HSPA12A: variants seen among roughly 807,000 people sequenced by gnomAD.
The protein encoded by HSPA12A is heat shock 70 kDa protein 12A.
HSPA12A carries 28 observed loss-of-function variants against 69.2 expected under a neutral mutation model. The ratio of observed to expected loss-of-function variants is 0.40; its 90% CI spans 0.30 to 0.55. HSPA12A has a LOEUF of 0.55. Among genes scored for constraint, HSPA12A ranks in the 20% least tolerant of loss-of-function variants. HSPA12A has a pLI of 0.38. For missense variants in HSPA12A, 686 were observed against 900.7 expected, an observed-to-expected ratio of 0.76 and a Z score of 3.05; for synonymous variants, 345 against 370.5, an observed-to-expected ratio of 0.93 and a Z score of 0.79.
intron 2 of HSPA12A, among the ~76,000 whole-genome samples, chr10:116,762,998 C>A (rs1421921319): frequency 6.6e-6 from 1 of 152,200 alleles, no homozygotes; most frequent in African/African-American, 2.4e-5. Flanking sequence ...GCAGTTCTCT[C>A]TTTACACTCA....
intron 6 of HSPA12A, 105 bp from the exon 7 acceptor site, chr10:116,684,067 C>G: frequency 1.1e-6 from 1 of 946,166 alleles, no homozygotes. Context: ...CACTCGTGCT[C>G]TGCATCTGTG....
At chr10:116,777,546 ACTTCC>A (rs1844366439) in intron 2 of HSPA12A, among the ~76,000 whole-genome samples, 4 of 152,100 alleles carry the variant, frequency 2.6e-5, no homozygotes, top group African/African-American at 9.7e-5. Context: ...ACATGTGTGG[ACTTCC>A]CAGGTGTACA....
intron 2 of HSPA12A, among the ~76,000 whole-genome samples, chr10:116,788,941 C>T (rs1589707146): frequency 6.6e-6 from 1 of 150,758 alleles, no homozygotes; most frequent in Admixed American, 6.6e-5. Flanking sequence ...TCTCAGCTCA[C>T]TGCAACCTCT....
rs541825438 is a variant in HSPA12A, at chr10:116,718,569, C to T, written c.41-11284G>A. Reference sequence around the variant, plus strand: ...GAAGAGACATCCCAAAACAGTTGTACGGCTTGTGCACTGCACAAAGGCACC... The same window carrying T: ...GAAGAGACATCCCAAAACAGTTGTATGGCTTGTGCACTGCACAAAGGCACC... On this transcript the variant is annotated intron_variant, in intron 1 of 11. Coordinates refer to ENST00000369209, the MANE Select transcript of HSPA12A (RefSeq NM_025015.3). 5.9e-5 allele frequency among the ~76,000 whole-genome samples: 9 copies of T among 152,154 alleles called. No individual in the cohort carries two copies. The South Asian group carries it at 1.2e-3, about 21-fold the overall frequency.
chr10:116,737,370 G>A (rs782375408), intron 1 of HSPA12A, among the ~76,000 whole-genome samples: 13 of 152,026 alleles, frequency 8.6e-5, no homozygotes, highest in South Asian at 2.1e-4. Flanking sequence ...ATTATTAATC[G>A]TCCTTGTCTA....
upstream of HSPA12A, chr10:116,850,091 C>G (rs1246768130): frequency 2.5e-6 from 1 of 405,408 alleles, no homozygotes; most frequent in Non-Finnish European, 4.6e-6. Flanking sequence ...TAACACATAC[C>G]TTAATGCCCT....
At position 116,809,631 on chromosome 10, in the gene HSPA12A, C is replaced by A. The variant is rs140952861; in HGVS notation, c.91+25304G>T. 5.4e-3 allele frequency among the ~76,000 whole-genome samples: 830 copies of A among 152,318 alleles called. 17 individuals are homozygous for A. Among genetic ancestry groups the A allele is most frequent in the Admixed American group, 0.045 (688 of 15,292 alleles). On this transcript the variant is annotated intron_variant, in intron 2 of 12. Transcript: ENST00000635765. ...CAACACATTTCAGCGACGCCGGGGA[C>A]TGTCTGCGGGGGAAACCCACTCACT...
chr10:116,754,319 C>T (rs1463566031), intron 2 of HSPA12A, among the ~76,000 whole-genome samples: 2 of 152,194 alleles, frequency 1.3e-5, no homozygotes, highest in South Asian at 2.1e-4. Flanking sequence ...GGTAAAATGG[C>T]CAAATAAAAG....
intron 1 of HSPA12A, among the ~76,000 whole-genome samples, chr10:116,709,347 C>G (rs1850353882): frequency 6.6e-6 from 1 of 150,944 alleles, no homozygotes; most frequent in Non-Finnish European, 1.5e-5. Flanking sequence ...ACTCGGGAGG[C>G]TGAGACAGGA....
chr10:116,840,927 C>G (rs1845792588), intron 1 of HSPA12A, among the ~76,000 whole-genome samples: 1 of 152,178 alleles, frequency 6.6e-6, no homozygotes, highest in South Asian at 2.1e-4. Flanking sequence ...AGCTGTTTAA[C>G]AAGTGCAGCT....
At chr10:116,849,850 C>A, upstream of HSPA12A, 1 of 1,194,502 alleles carries the variant, frequency 8.4e-7, no homozygotes, top group Non-Finnish European at 1.2e-6. Context: ...CGCCCGGGCC[C>A]TGGGCCTGCG....
intron 1 of HSPA12A, among the ~76,000 whole-genome samples, chr10:116,726,023 A>ACGCGCGCG (rs1180707838): frequency 8.9e-5 from 6 of 67,044 alleles, no homozygotes; most frequent in African/African-American, 4.1e-4. Flanking sequence ...ACACACACAC[A>ACGCGCGCG]CACGCACACA....
intron 2 of HSPA12A, 91 bp downstream of exon 2, chr10:116,707,109 C>T (rs941460468): frequency 2.9e-6 from 3 of 1,037,368 alleles, no homozygotes; most frequent in Non-Finnish European, 4.1e-6. Flanking sequence ...ACCCAGAATG[C>T]AAAGGAAGTC....
chr10:116,743,130 G>A (rs1178399625), upstream of HSPA12A, among the ~76,000 whole-genome samples: 12 of 152,202 alleles, frequency 7.9e-5, no homozygotes, highest in African/African-American at 2.9e-4. Context: ...CCGCCTCCAG[G>A]CCGCCTGCGG....
chr10:116,674,616 C>T lies in HSPA12A; in HGVS notation c.*165G>A. 1.5e-6 allele frequency: 1 copy of T among 674,868 alleles called. No individual in the cohort carries two copies. Among genetic ancestry groups the T allele is most frequent in the South Asian group, 2.0e-5 (1 of 50,180 alleles). 41.8% of individuals were successfully genotyped at this position (674,868 alleles called of 1,614,324 possible). ...TTTCTGTTTTTCTGACTCCAGTGTG[C>T]CCTCAAAAGTCACTAATTATTTCTA... is the stretch of plus-strand genomic sequence containing the variant. On this transcript the variant is annotated 3_prime_UTR_variant, in exon 12 of 12. Coordinates refer to ENST00000369209, the MANE Select transcript of HSPA12A (RefSeq NM_025015.3).
At chr10:116,836,220 C>T (rs1209690662) in intron 1 of HSPA12A, among the ~76,000 whole-genome samples, 1 of 152,130 alleles carries the variant, frequency 6.6e-6, no homozygotes, top group Non-Finnish European at 1.5e-5. Context: ...TATTGAAAAG[C>T]TCTTGCTCCC....
intron 2 of HSPA12A, among the ~76,000 whole-genome samples, chr10:116,765,828 C>T (rs1051086414): frequency 1.3e-5 from 2 of 152,186 alleles, no homozygotes; most frequent in Non-Finnish European, 2.9e-5. Context: ...CTTGCCTTAG[C>T]GTAGACAAAC....
rs61742078 is a variant in HSPA12A, at chr10:116,705,276, G to A, written c.129C>T (p.Asn43=). The part of the protein sequence containing the change: ...ITPLSPSHIV[N]DTDSNVSEQQ... ...GTTCTGAGACGTTGGAGTCAGTGTC[G>A]TTCTGCAGATATACAGTGAGGCATG... Residue 43 remains asparagine, a splice_region_variant and synonymous_variant, in exon 3 of 12, where the codon AAC becomes AAT. Transcript: ENST00000369209. 1.2e-3 allele frequency: 1,938 copies of A among 1,614,138 alleles called. 18 individuals carry two copies. In the African/African-American group the frequency reaches 0.021, roughly 18 times the overall value.
rs550302316 is a variant in HSPA12A at position 116,797,431 on chromosome 10, C to T, written c.91+37504G>A. On this transcript the variant is annotated intron_variant, in intron 2 of 12. Transcript: ENST00000635765. ...CAATTGTTTGTCAAATGTGTGCTCC[C>T]GCTTACTCCAGGAGCCTCACAGGGC... Among the ~76,000 whole-genome samples the T allele has an allele frequency of 4.6e-5, 7 of 152,172 alleles. 1 individual carries two copies. Among genetic ancestry groups the T allele is most frequent in the African/African-American group, 1.4e-4 (6 of 41,500 alleles).
Sources: allele counts gnomAD v4.1 joint callset (sites outside exome capture counted in the v4.1 genomes callset), GRCh38; gene constraint gnomAD v4.1.1; transcripts MANE v1.5; gene names NCBI Gene and HGNC (gene_info 2026-07-23, HGNC 2026-07-21).